Variants in SIGIRR observed in about 807,000 individuals in gnomAD.
SIGIRR encodes the protein single Ig and TIR domain containing.
A neutral mutation model predicts 45.6 loss-of-function variants in SIGIRR; 41 were observed. The ratio of observed to expected loss-of-function variants is 0.90; its 90% CI spans 0.70 to 1.17. SIGIRR has a LOEUF of 1.17. Ranked by LOEUF, SIGIRR falls within the 50% of genes most tolerant of loss-of-function variation. SIGIRR has a pLI of 0.00. For missense variants in SIGIRR, 599 were observed against 539.6 expected (o/e 1.11, Z -1.09); for synonymous variants, 298 against 239.0 (o/e 1.25, Z -2.28).
chr11:406,666 G>C (rs1847321053), intron 8 of SIGIRR, 128 bp from the exon 9 acceptor site: 1 of 1,410,712 alleles, frequency 7.1e-7, no homozygotes, highest in Non-Finnish European at 9.3e-7. Context: ...CGTGGCTCCG[G>C]GGGCCTCAAG....
At position 407,560 on chromosome 11, in the gene SIGIRR, G is replaced by A. The variant is rs778204994; in HGVS notation, c.490C>T (p.Leu164Phe). 1 of 1,607,402 alleles carries A rather than the reference G, an allele frequency of 6.2e-7. No homozygotes were observed. The highest frequency in any genetic ancestry group is 1.1e-5 in the South Asian group (1 of 90,614). Residue 164 changes from leucine to phenylalanine, a missense_variant, in exon 6 of 10, where the codon CTC becomes TTC. Coordinates refer to ENST00000431843, the MANE Select transcript of SIGIRR (RefSeq NM_001135054.2). ...CTGTAGGAGACGTAGGCGTCGTAGAGCTTCCCGTCTGCGGACGGCGGCCAG... is the reference window on the plus strand; with the variant it reads ...CTGTAGGAGACGTAGGCGTCGTAGAACTTCCCGTCTGCGGACGGCGGCCAG... ...YGEVEINDGKLYDAYVSYSDC... is the reference protein window; with the variant it reads ...YGEVEINDGKFYDAYVSYSDC...
Position 407,492 on chromosome 11 carries a change from CT to C in SIGIRR, c.557del (p.Lys186SerfsTer31), listed in dbSNP as rs752858122. On this transcript the variant is annotated frameshift_variant, in exon 6 of 10. Coordinates refer to ENST00000431843, the MANE Select transcript of SIGIRR (RefSeq NM_001135054.2). LOFTEE classifies it high-confidence loss of function. ...EDRKFVNFIL[K>X]PQLERRRGYK... is the part of the protein sequence containing the mutation. ...AGCCCCGACGCCGCTCCAGCTGCGG[CT>C]TTAGGATGAAGTTCACGAACTTGCG... The C allele has an allele frequency of 5.4e-4, 868 of 1,599,180 alleles. 1 individual carries two copies. Among genetic ancestry groups the C allele is most frequent in the Non-Finnish European group, 6.7e-4 (786 of 1,173,684 alleles).
At position 409,921 on chromosome 11, in the gene SIGIRR, C is replaced by G; in HGVS notation, c.-47G>C. On this transcript the variant is annotated 5_prime_UTR_variant, in exon 2 of 10. Coordinates refer to ENST00000431843, the MANE Select transcript of SIGIRR (RefSeq NM_001135054.2). ...CGGGGCAGGCTGGGCTCCAGGGTCA[C>G]CCCTGGCTCCACCGGGCTCCTCGGC... 7.8e-7 allele frequency: 1 copy of G among 1,284,586 alleles called. No homozygotes were observed. The highest frequency in any genetic ancestry group is 9.9e-7 in the Non-Finnish European group (1 of 1,009,386). 79.6% of individuals were successfully genotyped at this position (1,284,586 alleles called of 1,614,324 possible). A position where few individuals can be genotyped will look rare whatever the true frequency, so the allele number is the denominator to read the frequency against.
rs150964982 is a variant in SIGIRR at position 408,171 on chromosome 11, C to G, written c.242G>C (p.Ser81Thr). The change falls in exon 4 of 10, where the codon AGT becomes ACT. Residue 81 changes from serine to threonine, a missense_variant. Transcript: ENST00000431843. ...GCTGGTCACGTTGACCCCCAGGACA[C>G]TGGACACAAGCACCTCTGACAGGTT... is the stretch of plus-strand genomic sequence containing the variant. Reference protein sequence around the residue: ...KANLSEVLVSSVLGVNVTSTE... With the variant: ...KANLSEVLVSTVLGVNVTSTE... 1.0e-4 allele frequency: 165 copies of G among 1,612,756 alleles called. No homozygotes were observed. In the African/African-American group the frequency reaches 2.0e-3, roughly 20 times the overall value.
Position 408,173 on chromosome 11 carries a change from G to A in SIGIRR, c.240C>T (p.Ser80=). The change falls in exon 4 of 10, where the codon TCC becomes TCT. Residue 80 remains serine (S), a synonymous_variant. Transcript: ENST00000431843. ...TGGTCACGTTGACCCCCAGGACACTGGACACAAGCACCTCTGACAGGTTGG... is the reference window on the plus strand; with the variant it reads ...TGGTCACGTTGACCCCCAGGACACTAGACACAAGCACCTCTGACAGGTTGG... ...VKANLSEVLV[S]SVLGVNVTST... The A allele has an allele frequency of 6.2e-7, 1 of 1,612,774 alleles. No homozygotes were observed. The highest frequency in any genetic ancestry group is 8.5e-7 in the Non-Finnish European group (1 of 1,179,950).
chr11:408,116 G>A lies in SIGIRR; in HGVS notation c.297C>T (p.Ser99=), dbSNP rs545036605. 3 of 1,612,834 alleles carry A rather than the reference G, an allele frequency of 1.9e-6. No homozygotes were observed. Among genetic ancestry groups the A allele is most frequent in the South Asian group, 1.1e-5 (1 of 91,088 alleles). The change falls in exon 4 of 10, where the codon TCC becomes TCT. Residue 99 remains serine (S), a synonymous_variant. Coordinates refer to ENST00000431843, the MANE Select transcript of SIGIRR (RefSeq NM_001135054.2). ...AGGAGGAGAAGCTGATGTTCTGGAT[G>A]GAGCAGGTGAAGGCCCCATAGACTT... ...STEVYGAFTC[S]IQNISFSSFT...
Position 414,712 on chromosome 11 carries a change from T to C in SIGIRR, c.-154+111A>G, listed in dbSNP as rs935988560. On this transcript the variant is annotated intron_variant, in intron 1 of 9. Coordinates refer to ENST00000431843, the MANE Select transcript of SIGIRR (RefSeq NM_001135054.2). ...GACACAGCCTCCTGCTGCCCCTCGC[T>C]CTGTCTCACACACACATGCACACAC... The C allele has an allele frequency of 1.6e-5, 12 of 736,028 alleles. No individual in the cohort carries two copies. In the African/African-American group the frequency reaches 2.3e-4, roughly 14 times the overall value. The allele number at this position is 736,028 out of a possible 1,614,324, so 45.6% of individuals were successfully genotyped here.
intron 5 of SIGIRR, 63 bp downstream of exon 5, chr11:407,754 C>A: frequency 2.5e-6 from 4 of 1,605,794 alleles, no homozygotes; most frequent in Non-Finnish European, 3.4e-6. Context: ...AAGCCGAGCT[C>A]AGCAGCGCAC....
At chr11:409,317 A>T (rs775624955) in intron 2 of SIGIRR, 5 of 345,384 alleles carry the variant, frequency 1.4e-5, no homozygotes, top group Admixed American at 4.0e-5. Context: ...ATCTGCAGAG[A>T]GTGTGGGCAC....
Position 406,961 on chromosome 11 carries a change from C to CG in SIGIRR, c.760dup (p.Arg254ProfsTer87). 1 of 1,601,304 alleles carries CG rather than the reference C, an allele frequency of 6.2e-7. No homozygotes were observed. The highest frequency in any genetic ancestry group is 8.5e-7 in the Non-Finnish European group (1 of 1,177,440). On this transcript the variant is annotated frameshift_variant, in exon 8 of 10. Transcript: ENST00000431843. LOFTEE classifies it high-confidence loss of function. ...CTCGAAGGTGATGAAGATGGGTCTGCGGGTGAGCTCCAGCAGCCGGCACAG... is the reference window on the plus strand; with the variant it reads ...CTCGAAGGTGATGAAGATGGGTCTGCGGGGTGAGCTCCAGCAGCCGGCACAG...
upstream of SIGIRR, among the ~76,000 whole-genome samples, chr11:416,591 C>T (rs906634674): frequency 3.9e-5 from 6 of 152,180 alleles, no homozygotes; most frequent in Admixed American, 3.9e-4. The surrounding 1 kb of genome is among the most constrained non-coding windows in gnomAD (Gnocchi z 9.1). Flanking sequence ...GCCGCCCCTG[C>T]CCGGTGGGTT....
At chr11:407,235 G>GCGCCGGACGC (rs1468215197) in intron 6 of SIGIRR, 71 bp from the exon 7 acceptor site, 1 of 1,071,686 alleles carries the variant, frequency 9.3e-7, no homozygotes, top group African/African-American at 1.9e-5. Context: ...CTCAGGGGCG[G>GCGCCGGACGC]TGCCGGACGC....
chr11:413,253 C>T (rs1020310988), intron 1 of SIGIRR, among the ~76,000 whole-genome samples: 41 of 152,096 alleles, frequency 2.7e-4, no homozygotes, highest in African/African-American at 9.2e-4. Flanking sequence ...AGCCAGAGGC[C>T]CCAGGTTTGA....
At chr11:413,893 C>T (rs1275914847) in intron 1 of SIGIRR, among the ~76,000 whole-genome samples, 11 of 133,138 alleles carry the variant, frequency 8.3e-5, no homozygotes, top group South Asian at 2.6e-4. Context: ...CTCCCCTCCC[C>T]ACCTTCCCCT....
At chr11:409,720 T>G (rs6598024) in intron 2 of SIGIRR, 148 bp downstream of exon 2, 696,373 of 877,126 alleles carry the variant, frequency 0.79, 279,314 homozygotes, top group East Asian at 1. Context: ...AAGGGCCCAG[T>G]GGGAGGGGTG....
intron 1 of SIGIRR, among the ~76,000 whole-genome samples, chr11:414,444 C>T (rs1029475412): frequency 1.5e-4 from 23 of 151,740 alleles, no homozygotes; most frequent in African/African-American, 5.1e-4. Context: ...ACACAGCCCT[C>T]TGGCCCATGT....
intron 1 of SIGIRR, among the ~76,000 whole-genome samples, chr11:413,643 C>T (rs1847769229): frequency 6.6e-6 from 1 of 151,240 alleles, no homozygotes; most frequent in African/African-American, 2.4e-5. Context: ...CTCCTCTGCA[C>T]CCTCTCCGCT....
At position 406,523 on chromosome 11, in the gene SIGIRR, A is replaced by T. The variant is rs763285080; in HGVS notation, c.895T>A (p.Phe299Ile). 5.0e-6 allele frequency: 8 copies of T among 1,609,198 alleles called. No individual in the cohort carries two copies. The highest frequency in any genetic ancestry group is 1.7e-4 in the Middle Eastern group (1 of 6,030). The stretch of plus-strand genomic sequence containing the variant: ...AGCGCCAGCTGCACTTCTTTCCAAA[A>T]ATCGGAGGAAGGAGTCTGGGGGCCA... ...RPGSVTPSSD[F>I]WKEVQLALPR... The change falls in exon 9 of 10, where the codon TTT becomes ATT. Residue 299 changes from phenylalanine (F) to isoleucine (I), a missense_variant. Phe to Ile is a conservative substitution (Grantham distance 21, BLOSUM62 0). Coordinates refer to ENST00000431843, the MANE Select transcript of SIGIRR (RefSeq NM_001135054.2).
chr11:408,637 C>T, intron 3 of SIGIRR, 58 bp downstream of exon 3: 2 of 1,595,126 alleles, frequency 1.3e-6, no homozygotes, highest in Admixed American at 1.7e-5. Context: ...GTCAGGGAGA[C>T]CACTGCCCTT....
Sources: allele counts gnomAD v4.1 joint callset (sites outside exome capture counted in the v4.1 genomes callset), GRCh38; gene constraint gnomAD v4.1.1; non-coding constraint Gnocchi (gnomAD v3.1); transcripts MANE v1.5; gene names NCBI Gene and HGNC (gene_info 2026-07-23, HGNC 2026-07-21).